The following RBM4B variants were observed in gnomAD, a reference collection of about 807,000 sequenced individuals.
The protein encoded by RBM4B is RNA binding motif protein 4B, also known as RNA-binding protein 4B.
A neutral mutation model predicts 28.5 loss-of-function variants in RBM4B; 13 were observed. The ratio of observed to expected loss-of-function variants is 0.46; its 90% CI spans 0.30 to 0.72. The LOEUF (loss-of-function observed/expected upper bound fraction) is 0.72, where lower values mean the gene tolerates loss of function less well. Ranked by LOEUF, RBM4B falls within the 30% of genes least tolerant of loss-of-function variation. The pLI is 0.09. For missense variants in RBM4B, 387 were observed against 477.6 expected, an observed-to-expected ratio of 0.81 and a Z score of 1.77; for synonymous variants, 167 against 179.1, an observed-to-expected ratio of 0.93 and a Z score of 0.54.
At chr11:66,673,795 T>C (rs542934512) in intron 2 of RBM4B, among the ~76,000 whole-genome samples, 5 of 152,262 alleles carry the variant, frequency 3.3e-5, no homozygotes, top group African/African-American at 9.6e-5. Context: ...CCTTCATTAG[T>C]AGACAACTGA....
At position 66,665,335 on chromosome 11, in the gene RBM4B, T is replaced by TA; in HGVS notation, c.*252dup. 1 of 551,982 alleles carries TA rather than the reference T, an allele frequency of 1.8e-6. No homozygotes were observed. Among genetic ancestry groups the TA allele is most frequent in the Non-Finnish European group, 3.2e-6 (1 of 310,544 alleles). The allele number at this position is 551,982 out of a possible 1,614,324, so 34.2% of individuals were successfully genotyped here. A position where few individuals can be genotyped will look rare whatever the true frequency, so the allele number is the denominator to read the frequency against. The stretch of plus-strand genomic sequence containing the variant: ...GCACAGGAAAAAGGGGATGCCAGCA[T>TA]AATCCTTACCTAGGGCTGCTCAGAG... On this transcript the variant is annotated 3_prime_UTR_variant, in exon 4 of 4. Coordinates refer to ENST00000310046, the MANE Select transcript of RBM4B (RefSeq NM_031492.4).
intron 2 of RBM4B, among the ~76,000 whole-genome samples, chr11:66,674,166 GATTTT>G (rs975013690): frequency 6.9e-6 from 1 of 145,722 alleles, no homozygotes; most frequent in Non-Finnish European, 1.5e-5. Flanking sequence ...CCAATTAACT[GATTTT>G]TTTTTCTTTT....
In RBM4B at chr11:66,675,301, C is replaced by T. The variant is rs1487608610; in HGVS notation, c.412+1367G>A. ...CCTGTGAGGGAGGTACAGTAGGGATCATTAACTCCATAAGTGGGGACAATC... is the reference window on the plus strand; with the variant it reads ...CCTGTGAGGGAGGTACAGTAGGGATTATTAACTCCATAAGTGGGGACAATC... On this transcript the variant is annotated intron_variant, in intron 2 of 3. Coordinates refer to ENST00000310046, the MANE Select transcript of RBM4B (RefSeq NM_031492.4). Among the ~76,000 whole-genome samples the T allele has an allele frequency of 3.3e-5, 5 of 152,188 alleles. No homozygotes were observed. In the South Asian group the frequency reaches 8.3e-4, roughly 25 times the overall value.
At chr11:66,667,420 A>G (rs1476733951) in intron 3 of RBM4B, 1 of 152,168 alleles carries the variant, frequency 6.6e-6, no homozygotes, top group Non-Finnish European at 1.5e-5. Flanking sequence ...TCCTCTCTTC[A>G]ACAACAAAAA....
intron 3 of RBM4B, chr11:66,666,119 C>T (rs1939224030): frequency 1.3e-6 from 1 of 787,840 alleles, no homozygotes; most frequent in South Asian, 2.0e-5. Context: ...GTCACACTGT[C>T]ACAGAGTGAG....
At chr11:66,675,108 T>C (rs1000650113) in intron 2 of RBM4B, among the ~76,000 whole-genome samples, 5 of 152,204 alleles carry the variant, frequency 3.3e-5, no homozygotes, top group Admixed American at 6.5e-5. Flanking sequence ...GAAAAACAAA[T>C]GTAAGAAAAG....
At chr11:66,671,218 T>C (rs1939453954) in intron 2 of RBM4B, among the ~76,000 whole-genome samples, 1 of 152,226 alleles carries the variant, frequency 6.6e-6, no homozygotes. Flanking sequence ...ATACCCAAAA[T>C]GGCACTAAAT....
chr11:66,676,721 C>T lies in RBM4B; in HGVS notation c.359G>A (p.Arg120Gln). 1.2e-6 allele frequency: 2 copies of T among 1,613,994 alleles called. No individual in the cohort carries two copies. The highest frequency in any genetic ancestry group is 2.2e-5 in the South Asian group (2 of 91,076). ...GATGGCCTCCACTGCATCCTCTGCC[C>T]GCTCCATGTGTACGAAGGCATAATC... Reference protein sequence around the residue: ...VKDYAFVHMERAEDAVEAIRG... With the variant: ...VKDYAFVHMEQAEDAVEAIRG... Residue 120 changes from arginine (R) to glutamine (Q), a missense_variant, in exon 2 of 4, where the codon CGG (arginine) becomes CAG (glutamine). Transcript: ENST00000310046.
At chr11:66,672,271 A>G (rs998649346) in intron 2 of RBM4B, among the ~76,000 whole-genome samples, 1 of 151,330 alleles carries the variant, frequency 6.6e-6, no homozygotes, top group Non-Finnish European at 1.5e-5. Flanking sequence ...TTAGCTGGGC[A>G]TGGTGGCACA....
chr11:66,670,739 T>C (rs1352735908), intron 2 of RBM4B, among the ~76,000 whole-genome samples: 2 of 149,922 alleles, frequency 1.3e-5, no homozygotes, highest in African/African-American at 4.9e-5. Context: ...ACCTGGGAGG[T>C]GGAGGTTGCA....
intron 3 of RBM4B, chr11:66,666,450 A>T: frequency 1.0e-6 from 1 of 987,694 alleles, no homozygotes; most frequent in Non-Finnish European, 1.2e-6. Context: ...GGCTCCTGGG[A>T]CTGCAACCAA....
chr11:66,668,884 G>T lies in RBM4B; in HGVS notation c.820C>A (p.His274Asn). ...NSTSVDPYDR[H>N]LLPNSGAAAT... ...GCAGCGCCAGAGTTTGGCAATAGGT[G>T]TCTGTCATAGGGATCAACAGAAGTA... Residue 274 changes from histidine to asparagine, a missense_variant, in exon 3 of 4, where the codon CAC (histidine) becomes AAC (asparagine). His to Asn is a moderately conservative substitution (Grantham distance 68). Around this residue, in one of 2 missense-constraint regions of RBM4B, gnomAD observed 226 missense variants for 220.6 expected, o/e 1.02. Transcript: ENST00000310046. 6.2e-7 allele frequency: 1 copy of T among 1,614,206 alleles called. No homozygotes were observed. The highest frequency in any genetic ancestry group is 8.5e-7 in the Non-Finnish European group (1 of 1,180,034).
intron 3 of RBM4B, 129 bp downstream of exon 3, chr11:66,668,486 C>G: frequency 1.4e-6 from 1 of 692,838 alleles, no homozygotes; most frequent in Non-Finnish European, 2.4e-6. Context: ...ATATTGAAGA[C>G]TAACATGTAA....
chr11:66,666,045 T>C, intron 3 of RBM4B: 4 of 1,244,402 alleles, frequency 3.2e-6, no homozygotes, highest in Non-Finnish European at 4.4e-6. Flanking sequence ...TCAGAAATGA[T>C]GGTCACAAGG....
At chr11:66,674,361 C>T (rs1246059903) in intron 2 of RBM4B, among the ~76,000 whole-genome samples, 3 of 150,574 alleles carry the variant, frequency 2.0e-5, no homozygotes, top group African/African-American at 7.3e-5. Context: ...GTAGTGGGGA[C>T]TACAAGGCGC....
chr11:66,665,785 A>T, intron 3 of RBM4B: 1 of 1,382,580 alleles, frequency 7.2e-7, no homozygotes, highest in Non-Finnish European at 9.8e-7. Context: ...ATGGCTATAT[A>T]TATAGGACAA....
Position 66,669,124 on chromosome 11 carries a change from ATTG to A in RBM4B, c.577_579del (p.Gln193del), listed in dbSNP as rs1303107888. 6.2e-7 allele frequency: 1 copy of A among 1,614,056 alleles called. No individual in the cohort carries two copies. Among genetic ancestry groups the A allele is most frequent in the African/African-American group, 1.3e-5 (1 of 74,988 alleles). On this transcript the variant is annotated inframe_deletion, in exon 3 of 4. Coordinates refer to ENST00000310046, the MANE Select transcript of RBM4B (RefSeq NM_031492.4). The stretch of plus-strand genomic sequence containing the variant: ...GTGTAAGGTGTTCGAACTGCTCCAT[ATTG>A]TTCATTATACTGCTCAGTAAAGTCT...
intron 3 of RBM4B, chr11:66,668,283 G>T: frequency 4.5e-6 from 1 of 223,356 alleles, no homozygotes; most frequent in Non-Finnish European, 8.9e-6. Flanking sequence ...TCGTGTAGAT[G>T]ATATACAGAG....
At position 66,676,765 on chromosome 11, in the gene RBM4B, G is replaced by A. The variant is rs370152139; in HGVS notation, c.315C>T (p.Ile105=). The A allele has an allele frequency of 1.7e-5, 28 of 1,614,002 alleles. 1 individual carries two copies. The highest frequency in any genetic ancestry group is 1.6e-4 in the East Asian group (7 of 44,900). Residue 105 remains isoleucine, a synonymous_variant, in exon 2 of 4, where the codon ATC becomes ATT. Coordinates refer to ENST00000310046, the MANE Select transcript of RBM4B (RefSeq NM_031492.4). ...CATAATCTTTCACGATGTCACATTC[G>A]ATGACCGGACCATACTCCTCAAACT... The part of the protein sequence containing the change: ...RAKFEEYGPV[I]ECDIVKDYAF...
Sources: allele counts gnomAD v4.1 joint callset (sites outside exome capture counted in the v4.1 genomes callset), GRCh38; gene constraint gnomAD v4.1.1; regional missense constraint gnomAD v4.1.1; transcripts MANE v1.5; gene names NCBI Gene and HGNC (gene_info 2026-07-23, HGNC 2026-07-21).